The following ARHGEF16 variants were observed in gnomAD, a reference collection of about 807,000 sequenced individuals.
ARHGEF16 encodes Rho guanine exchange factor (GEF) 16.
Under a neutral mutation model 74.1 loss-of-function variants are expected in ARHGEF16, and 59 were observed. The ratio of observed to expected loss-of-function variants is 0.80; its 90% CI spans 0.65 to 0.99. The LOEUF is 0.99. Among genes scored for constraint, ARHGEF16 ranks in the 50% least tolerant of loss-of-function variants. The pLI, the probability that ARHGEF16 is intolerant of heterozygous loss-of-function variation, is 0.00. For missense variants in ARHGEF16, 948 were observed against 986.6 expected (o/e 0.96, Z 0.52); for synonymous variants, 415 against 412.6 (o/e 1.01, Z -0.07).
At chr1:3,472,883 G>GCCCCC in intron 6 of ARHGEF16, 195 bp from the exon 7 acceptor site, 1 of 114,398 alleles carries the variant, frequency 8.7e-6, no homozygotes, top group South Asian at 9.1e-5. Context: ...CTTCCCACCC[G>GCCCCC]CCCTCCCTGC....
At chr1:3,477,609 G>A (rs1639923084) in intron 10 of ARHGEF16, among the ~76,000 whole-genome samples, 1 of 151,494 alleles carries the variant, frequency 6.6e-6, no homozygotes, top group Non-Finnish European at 1.5e-5. Context: ...CCTGGCTTGG[G>A]TGAAATGTTC....
rs1184503186 is a variant in ARHGEF16 at position 3,454,740 on chromosome 1, C to G, written c.-91C>G. On this transcript the variant is annotated 5_prime_UTR_variant, in exon 1 of 15. Coordinates refer to ENST00000378378, the MANE Select transcript of ARHGEF16 (RefSeq NM_014448.4). Reference sequence around the variant, plus strand: ...CCGCAGGAGCGAAGCGGCTGCAGGACAGGACAGGACCCGGCGCTGGAAGCT... The same window carrying G: ...CCGCAGGAGCGAAGCGGCTGCAGGAGAGGACAGGACCCGGCGCTGGAAGCT... 1 of 152,126 alleles carries G rather than the reference C, an allele frequency of 6.6e-6. No homozygotes were observed. The highest frequency in any genetic ancestry group is 2.4e-5 in the African/African-American group (1 of 41,438). 9.4% of individuals were successfully genotyped at this position (152,126 alleles called of 1,614,324 possible).
Position 3,463,164 on chromosome 1 carries a change from C to A in ARHGEF16, c.80C>A (p.Ala27Asp). The A allele has an allele frequency of 2.6e-6, 4 of 1,515,870 alleles. No individual in the cohort carries two copies. Among genetic ancestry groups the A allele is most frequent in the Admixed American group, 2.1e-5 (1 of 46,640 alleles). 93.9% of individuals were successfully genotyped at this position (1,515,870 alleles called of 1,614,324 possible). The part of the protein sequence containing the change: ...HRFHSELRLD[A>D]GGNPASGLPM... ...TTCCACTCGGAGCTCCGGCTCGATG[C>A]CGGGGGGAACCCAGCCTCCGGGCTC... Residue 27 changes from alanine to aspartate, a missense_variant, in exon 2 of 15, where the codon GCC becomes GAC. Transcript: ENST00000378378.
At chr1:3,477,821 C>T (rs1639930784) in intron 10 of ARHGEF16, 54 bp from the exon 11 acceptor site, 2 of 1,583,444 alleles carry the variant, frequency 1.3e-6, no homozygotes, top group African/African-American at 1.3e-5. Context: ...CACCCCGGCT[C>T]TGTCCCCCCC....
rs111275925 is a variant in ARHGEF16 at position 3,469,893 on chromosome 1, A to G, written c.1022+300A>G. Among the ~76,000 whole-genome samples, 176 of 152,308 alleles carry G rather than the reference A, an allele frequency of 1.2e-3. 1 individual carries two copies. The highest frequency in any genetic ancestry group is 4.1e-3 in the African/African-American group (170 of 41,564). Reference sequence around the variant, plus strand: ...CACTGCCAAGCACCACCCCACCAGGACGTCCAGGCACAGAGGGCTGCATGA... The same window carrying G: ...CACTGCCAAGCACCACCCCACCAGGGCGTCCAGGCACAGAGGGCTGCATGA... On this transcript the variant is annotated intron_variant, in intron 6 of 14. Coordinates refer to ENST00000378378, the MANE Select transcript of ARHGEF16 (RefSeq NM_014448.4).
At chr1:3,457,057 C>T (rs1236302101) in intron 1 of ARHGEF16, among the ~76,000 whole-genome samples, 3 of 152,212 alleles carry the variant, frequency 2.0e-5, no homozygotes, top group Non-Finnish European at 4.4e-5. Context: ...CAGCAGTGTC[C>T]CCAGACGTTG....
chr1:3,469,637 A>G (rs368839478), intron 6 of ARHGEF16, 44 bp downstream of exon 6: 23 of 1,608,358 alleles, frequency 1.4e-5, no homozygotes, highest in Non-Finnish European at 1.8e-5. Flanking sequence ...CTCTGCCAGG[A>G]AGGTGCCTCC....
chr1:3,469,283 T>C (rs1639636991), intron 5 of ARHGEF16, 150 bp from the exon 6 acceptor site: 3 of 943,742 alleles, frequency 3.2e-6, no homozygotes, highest in Non-Finnish European at 4.7e-6. Flanking sequence ...AAGCTGGCCA[T>C]TCTGACAGCC....
rs1250284602 is a variant in ARHGEF16, at chr1:3,479,908, A to T, written c.1985A>T (p.Glu662Val). 1 of 1,612,154 alleles carries T rather than the reference A, an allele frequency of 6.2e-7. No homozygotes were observed. The highest frequency in any genetic ancestry group is 1.7e-5 in the Admixed American group (1 of 60,014). Residue 662 changes from glutamate (E) to valine (V), a missense_variant, in exon 14 of 15, where the codon GAG (glutamate) becomes GTG (valine). Coordinates refer to ENST00000378378, the MANE Select transcript of ARHGEF16 (RefSeq NM_014448.4). ...QADVVLVLQQ[E>V]DGWLYGERLR... The stretch of plus-strand genomic sequence containing the variant: ...GACGTGGTCCTGGTTCTGCAGCAGG[A>T]GGATGGTGAGTGCAGGGGCGTTGGG...
intron 10 of ARHGEF16, among the ~76,000 whole-genome samples, chr1:3,476,329 G>A (rs935388679): frequency 2.6e-5 from 4 of 152,126 alleles, no homozygotes; most frequent in Non-Finnish European, 5.9e-5. Flanking sequence ...GGACTGCACC[G>A]GCAAAGGGTA....
Sources: gnomAD v4.1 joint callset for allele counts (sites outside exome capture counted in the v4.1 genomes callset) on GRCh38, gnomAD v4.1.1 for gene constraint, MANE v1.5 for transcripts, NCBI Gene and HGNC (gene_info 2026-07-23, HGNC 2026-07-21) for gene names.